ENTREP2: variants seen among roughly 807,000 people sequenced by gnomAD.
ENTREP2 encodes the protein endosomal transmembrane epsin interactor 2, also known as protein ENTREP2.
the ENTREP2 span, among the ~76,000 whole-genome samples, chr15:29,355,805 GT>G: frequency 1.3e-5 from 2 of 152,136 alleles, no homozygotes; most frequent in Non-Finnish European, 2.9e-5. Flanking sequence ...AATTCAGAAC[GT>G]AAGAGAGCTG....
chr15:29,423,571 C>T, the ENTREP2 span, among the ~76,000 whole-genome samples: 4 of 151,038 alleles, frequency 2.6e-5, no homozygotes, highest in Admixed American at 6.6e-5. Context: ...GCGGATCACG[C>T]GGTCAGGAGA....
chr15:29,410,244 A>G, the ENTREP2 span, among the ~76,000 whole-genome samples: 1 of 152,170 alleles, frequency 6.6e-6, no homozygotes, highest in Non-Finnish European at 1.5e-5. Context: ...TGGCATACTT[A>G]GTTCATCTCC....
chr15:29,418,723 G>C, the ENTREP2 span, among the ~76,000 whole-genome samples: 1 of 152,290 alleles, frequency 6.6e-6, no homozygotes, highest in Admixed American at 6.5e-5. Context: ...AAACAGGCTT[G>C]AGAGAGGAAT....
chr15:29,597,555 C>T, the ENTREP2 span, among the ~76,000 whole-genome samples: 2 of 141,056 alleles, frequency 1.4e-5, no homozygotes, highest in South Asian at 2.3e-4. Context: ...GCAACAAGAG[C>T]GAAACTCTGT....
chr15:29,595,423 A>G, the ENTREP2 span, among the ~76,000 whole-genome samples: 1 of 152,160 alleles, frequency 6.6e-6, no homozygotes, highest in African/African-American at 2.4e-5. Context: ...CAATGAAACA[A>G]TACTGACACA....
the ENTREP2 span, among the ~76,000 whole-genome samples, chr15:29,259,933 A>G: frequency 2.6e-5 from 4 of 152,204 alleles, no homozygotes; most frequent in African/African-American, 9.7e-5. Context: ...TCCATAGTGT[A>G]ACAGTTTATT....
At chr15:29,269,501 G>A in the ENTREP2 span, 2 of 1,606,594 alleles carry the variant, frequency 1.2e-6, no homozygotes, top group East Asian at 2.2e-5. Flanking sequence ...TGGGCCCGGC[G>A]GGCGCCCTGA....
chr15:29,642,960 T>C, the ENTREP2 span, among the ~76,000 whole-genome samples: 1 of 152,076 alleles, frequency 6.6e-6, no homozygotes, highest in African/African-American at 2.4e-5. Context: ...GATGTCTACA[T>C]GCAAAAGAAT....
chr15:29,420,264 TA>T, the ENTREP2 span, among the ~76,000 whole-genome samples: 1 of 152,100 alleles, frequency 6.6e-6, no homozygotes, highest in African/African-American at 2.4e-5. Context: ...CAAGCTTTCT[TA>T]AAAGGTTATG....
At chr15:29,383,020 AG>A in the ENTREP2 span, among the ~76,000 whole-genome samples, 2 of 151,534 alleles carry the variant, frequency 1.3e-5, no homozygotes, top group Non-Finnish European at 2.9e-5. Context: ...CCCACTTCCC[AG>A]GGGCCGCTCT....
chr15:29,658,475 G>A, the ENTREP2 span, among the ~76,000 whole-genome samples: 20 of 152,234 alleles, frequency 1.3e-4, no homozygotes, highest in Non-Finnish European at 2.5e-4. Context: ...ATCAAAAAGC[G>A]GAATGGGGGA....
At chr15:29,446,133 A>C in the ENTREP2 span, among the ~76,000 whole-genome samples, 1 of 152,236 alleles carries the variant, frequency 6.6e-6, no homozygotes, top group Non-Finnish European at 1.5e-5. Flanking sequence ...ATGATGCAGA[A>C]GGAAGCAGGC....
At chr15:29,425,444 G>A in the ENTREP2 span, among the ~76,000 whole-genome samples, 1 of 152,174 alleles carries the variant, frequency 6.6e-6, no homozygotes, top group Admixed American at 6.5e-5. Context: ...CTTGGCCACT[G>A]CCAGATAGCT....
chr15:29,133,255 C>T, the ENTREP2 span, among the ~76,000 whole-genome samples: 15 of 152,168 alleles, frequency 9.9e-5, no homozygotes, highest in African/African-American at 3.6e-4. Context: ...ATCTTCTCTC[C>T]TCTTTACCAA....
At chr15:29,130,553 AG>A in the ENTREP2 span, among the ~76,000 whole-genome samples, 1 of 152,196 alleles carries the variant, frequency 6.6e-6, no homozygotes, top group Non-Finnish European at 1.5e-5. Flanking sequence ...CTGGTAATAA[AG>A]AAATATAAAT....
chr15:29,444,210 G>GAAAGAAAGAAAGA, the ENTREP2 span, among the ~76,000 whole-genome samples: 157 of 146,020 alleles, frequency 1.1e-3, 3 homozygotes, highest in African/African-American at 4.1e-3. Flanking sequence ...AAGAAAGAAA[G>GAAAGAAAGAAAGA]AAAGAAAGAA....
At chr15:29,633,802 T>G in the ENTREP2 span, among the ~76,000 whole-genome samples, 1 of 151,832 alleles carries the variant, frequency 6.6e-6, no homozygotes, top group Non-Finnish European at 1.5e-5. Context: ...CTACTAAAAA[T>G]ACAAGAATTC....
chr15:29,359,526 C>T, the ENTREP2 span, among the ~76,000 whole-genome samples: 1 of 152,230 alleles, frequency 6.6e-6, no homozygotes, highest in African/African-American at 2.4e-5. Flanking sequence ...AATTCTCCTG[C>T]CTCAGCCTCC....
At chr15:29,124,094 C>T in the ENTREP2 span, among the ~76,000 whole-genome samples, 10 of 152,198 alleles carry the variant, frequency 6.6e-5, no homozygotes, top group African/African-American at 2.4e-4. Context: ...CCGCCCCCCC[C>T]ATCATGCCAG....
Sources: gnomAD v4.1 joint callset for allele counts (sites outside exome capture counted in the v4.1 genomes callset) on GRCh38, gnomAD v4.1.1 for gene constraint, MANE v1.5 for transcripts, NCBI Gene and HGNC (gene_info 2026-07-23, HGNC 2026-07-21) for gene names.